GTPBP4: variants seen among roughly 807,000 people sequenced by gnomAD.
GTPBP4 encodes the protein GTP binding protein 4.
In GTPBP4, 15 loss-of-function variants were observed where a neutral mutation model predicts 81.7. The ratio of observed to expected loss-of-function variants is 0.18; its 90% CI spans 0.12 to 0.28. The LOEUF (loss-of-function observed/expected upper bound fraction) is 0.28, where lower values mean the gene tolerates loss of function less well. Ranked by LOEUF, GTPBP4 falls within the 10% of genes least tolerant of loss-of-function variation. The pLI is 1.00. For missense variants in GTPBP4, 847 were observed against 793.8 expected, an observed-to-expected ratio of 1.07 and a Z score of -0.81; for synonymous variants, 272 against 274.6, an observed-to-expected ratio of 0.99 and a Z score of 0.09.
At chr10:998,971 G>C in intron 5 of GTPBP4, 32 bp from the exon 6 acceptor site, 2 of 1,171,386 alleles carry the variant, frequency 1.7e-6, no homozygotes, top group Non-Finnish European at 2.6e-6. Context: ...CAGAGGAAAT[G>C]AGGTGATTCT....
intron 1 of GTPBP4, 183 bp downstream of exon 1, chr10:988,710 C>A: frequency 1.7e-6 from 1 of 603,388 alleles, no homozygotes; most frequent in Non-Finnish European, 3.0e-6. Flanking sequence ...AATCCGGGGT[C>A]CACCAGAGAT....
chr10:988,475 C>G lies in GTPBP4; in HGVS notation c.-5C>G. On this transcript the variant is annotated 5_prime_UTR_variant, in exon 1 of 17. Transcript: ENST00000360803. ...CCAAGTACCCGCGTGCATACGGCTG[C>G]CGGCATGGCACATTACAACTTCAAG... is the stretch of plus-strand genomic sequence containing the variant. The G allele has an allele frequency of 6.2e-7, 1 of 1,612,614 alleles. No individual in the cohort carries two copies. Among genetic ancestry groups the G allele is most frequent in the Non-Finnish European group, 8.5e-7 (1 of 1,179,154 alleles).
chr10:1,012,970 T>C (rs1401471513), intron 14 of GTPBP4, among the ~76,000 whole-genome samples: 1 of 152,166 alleles, frequency 6.6e-6, no homozygotes, highest in Non-Finnish European at 1.5e-5. Context: ...CATTTTCCTC[T>C]TCTTTTTTCT....
intron 2 of GTPBP4, 99 bp downstream of exon 2, chr10:992,758 A>C (rs1335280387): frequency 3.0e-6 from 2 of 666,634 alleles, no homozygotes; most frequent in Non-Finnish European, 5.2e-6. Flanking sequence ...AAAAGGAAAC[A>C]AAATAATTGA....
chr10:994,785 G>T (rs920245176), intron 2 of GTPBP4, among the ~76,000 whole-genome samples: 1 of 152,224 alleles, frequency 6.6e-6, no homozygotes, highest in Non-Finnish European at 1.5e-5. Flanking sequence ...TCTGAGAACA[G>T]CTTCAGAGTG....
chr10:1,012,959 A>G (rs1325630431), intron 14 of GTPBP4, among the ~76,000 whole-genome samples: 1 of 152,112 alleles, frequency 6.6e-6, no homozygotes, highest in Non-Finnish European at 1.5e-5. Context: ...CTATCAGTGA[A>G]CATTTTCCTC....
At chr10:995,800 G>A in intron 2 of GTPBP4, 129 bp from the exon 3 acceptor site, 1 of 622,378 alleles carries the variant, frequency 1.6e-6, no homozygotes, top group Non-Finnish European at 2.9e-6. Flanking sequence ...CAGGGCCCCT[G>A]GCCAGGAGAG....
intron 13 of GTPBP4, among the ~76,000 whole-genome samples, chr10:1,011,056 T>TC (rs1564470804): frequency 7.0e-5 from 7 of 99,370 alleles, no homozygotes; most frequent in Non-Finnish European, 8.7e-5. Context: ...TGCTGGGCCC[T>TC]TCATTCTCCT....
At chr10:991,759 G>A (rs1359211379) in intron 1 of GTPBP4, among the ~76,000 whole-genome samples, 1 of 136,086 alleles carries the variant, frequency 7.3e-6, no homozygotes, top group Non-Finnish European at 1.5e-5. Flanking sequence ...GCAGTGGCGC[G>A]ATCTCGGCTC....
chr10:997,234 A>G lies in GTPBP4; in HGVS notation c.487A>G (p.Thr163Ala), dbSNP rs202054687. ...QVRQHLSRLP[T>A]IDPNTRTLLL... ...GCGTCAGCATTTATCCCGTTTGCCA[A>G]CCATTGATCCGAATACCAGGACCCT... The change falls in exon 5 of 17, where the codon ACC becomes GCC. Residue 163 changes from threonine (T) to alanine (A), a missense_variant. Transcript: ENST00000360803. 538 of 1,605,122 alleles carry G rather than the reference A, an allele frequency of 3.4e-4. 4 individuals are homozygous for G. The highest frequency in any genetic ancestry group is 4.0e-4 in the Non-Finnish European group (463 of 1,171,886).
Position 1,018,295 on chromosome 10 carries a change from G to C in GTPBP4, c.*1068G>C, listed in dbSNP as rs1387155128. The C allele has an allele frequency of 6.6e-6, 1 of 151,776 alleles. No individual in the cohort carries two copies. The highest frequency in any genetic ancestry group is 1.5e-5 in the Non-Finnish European group (1 of 68,008). 9.4% of individuals were successfully genotyped at this position (151,776 alleles called of 1,614,324 possible). On this transcript the variant is annotated 3_prime_UTR_variant, in exon 17 of 17. Transcript: ENST00000360803. ...CAAAAATTAGCCATGCGTGGTGGTG[G>C]GCATCTGTAATCCTAGCTGCTCGGG... is the stretch of plus-strand genomic sequence containing the variant.
intron 6 of GTPBP4, among the ~76,000 whole-genome samples, chr10:999,468 C>G (rs1831586532): frequency 6.6e-6 from 1 of 152,180 alleles, no homozygotes; most frequent in African/African-American, 2.4e-5. Flanking sequence ...TTATCAAGAA[C>G]TTGAAATTTC....
intron 14 of GTPBP4, 77 bp from the exon 15 acceptor site, chr10:1,014,170 A>G (rs1051332885): frequency 2.4e-6 from 2 of 846,128 alleles, no homozygotes; most frequent in African/African-American, 3.4e-5. Context: ...ATATGTATAC[A>G]TATATATTGC....
At chr10:1,008,295 T>C (rs1589029240) in intron 10 of GTPBP4, 2 of 377,362 alleles carry the variant, frequency 5.3e-6, no homozygotes, top group East Asian at 1.4e-4. Context: ...ATTCTACCTA[T>C]TCAGGAGGCT....
At chr10:1,010,395 G>T (rs148812352) in intron 12 of GTPBP4, 25 bp from the exon 13 acceptor site, 6 of 1,246,574 alleles carry the variant, frequency 4.8e-6, no homozygotes, top group Admixed American at 3.5e-5. Context: ...TGCTGTAAAC[G>T]TAACCACCTT....
intron 8 of GTPBP4, among the ~76,000 whole-genome samples, chr10:1,001,436 G>A (rs541575934): frequency 2.0e-5 from 3 of 152,320 alleles, no homozygotes; most frequent in South Asian, 2.1e-4. Flanking sequence ...TGAGTGAGAC[G>A]TGCCTGCTAG....
rs190658894 is a variant in GTPBP4, at chr10:1,019,058, T to A, written c.*1831T>A. The stretch of plus-strand genomic sequence containing the variant: ...TGCAAGATTGAATGTGTCTTTTTTT[T>A]AAAAATGCAGCCTTGTGTTGCACTC... On this transcript the variant is annotated 3_prime_UTR_variant, in exon 17 of 17. Coordinates refer to ENST00000360803, the MANE Select transcript of GTPBP4 (RefSeq NM_012341.3). 5.4e-3 allele frequency: 844 copies of A among 157,326 alleles called. 6 individuals carry two copies. The highest frequency in any genetic ancestry group is 0.014 in the Admixed American group (233 of 16,230). 9.7% of individuals were successfully genotyped at this position (157,326 alleles called of 1,614,324 possible).
chr10:997,250 C>G lies in GTPBP4; in HGVS notation c.503C>G (p.Thr168Ser), dbSNP rs149028639. The stretch of plus-strand genomic sequence containing the variant: ...CGTTTGCCAACCATTGATCCGAATA[C>G]CAGGACCCTGCTTTTGTGTGGGTAC... ...LSRLPTIDPN[T>S]RTLLLCGYPN... Residue 168 changes from threonine (T) to serine (S), a missense_variant, in exon 5 of 17, where the codon ACC (threonine) becomes AGC (serine). Physicochemically the swap from Thr to Ser is moderately conservative, Grantham distance 58. This residue lies in a region of GTPBP4 where 241 missense variants were observed against 216.3 expected (regional missense o/e 1.11). Coordinates refer to ENST00000360803, the MANE Select transcript of GTPBP4 (RefSeq NM_012341.3). 3 of 1,609,774 alleles carry G rather than the reference C, an allele frequency of 1.9e-6. No individual in the cohort carries two copies. Among genetic ancestry groups the G allele is most frequent in the African/African-American group, 2.7e-5 (2 of 74,830 alleles).
chr10:994,889 G>A (rs1460813903), intron 2 of GTPBP4, among the ~76,000 whole-genome samples: 1 of 152,208 alleles, frequency 6.6e-6, no homozygotes, highest in African/African-American at 2.4e-5. Flanking sequence ...AAAGGTTCCT[G>A]CTCTCATTCT....
Sources: gnomAD v4.1 joint callset for allele counts (sites outside exome capture counted in the v4.1 genomes callset) on GRCh38, gnomAD v4.1.1 for gene constraint, gnomAD v4.1.1 regional missense constraint, MANE v1.5 for transcripts, NCBI Gene and HGNC (gene_info 2026-07-23, HGNC 2026-07-21) for gene names.